PLCE1: variants seen among roughly 807,000 people sequenced by gnomAD.
The protein encoded by PLCE1 is phospholipase C epsilon 1, also known as 1-phosphatidylinositol 4,5-bisphosphate phosphodiesterase epsilon-1.
In PLCE1, 119 loss-of-function variants were observed where a neutral mutation model predicts 242.8. That is an observed-to-expected ratio of 0.49 (90% CI 0.42 to 0.57). The LOEUF (loss-of-function observed/expected upper bound fraction) is 0.57, where lower values mean the gene tolerates loss of function less well. Ranked by LOEUF, PLCE1 falls within the 20% of genes least tolerant of loss-of-function variation. PLCE1 has a pLI of 0.00. For missense variants in PLCE1, 2,441 were observed against 2,788.8 expected, an observed-to-expected ratio of 0.88 and a Z score of 2.81; for synonymous variants, 945 against 1,017.4, an observed-to-expected ratio of 0.93 and a Z score of 1.35.
chr10:94,068,361 A>G (rs2044254808), intron 2 of PLCE1, among the ~76,000 whole-genome samples: 1 of 151,990 alleles, frequency 6.6e-6, no homozygotes, highest in Non-Finnish European at 1.5e-5. Context: ...GATTCAAGCA[A>G]TCACAAATAG....
At chr10:94,273,871 T>C (rs2051841386) in intron 19 of PLCE1, 151 bp downstream of exon 19, 1 of 747,966 alleles carries the variant, frequency 1.3e-6, no homozygotes, top group African/African-American at 1.8e-5. Context: ...GGGCTTTTCA[T>C]TCCATAGACC....
At chr10:94,089,239 A>C in intron 2 of PLCE1, 1 of 1,614,002 alleles carries the variant, frequency 6.2e-7, no homozygotes, top group East Asian at 2.2e-5. Flanking sequence ...GCCCCAGGAG[A>C]GGGAAGCAGG....
intron 2 of PLCE1, among the ~76,000 whole-genome samples, chr10:94,129,061 A>G (rs930153303): frequency 2.0e-5 from 3 of 152,070 alleles, no homozygotes; most frequent in Admixed American, 2.0e-4. Context: ...TTGATTTGTG[A>G]CCTCCCTACA....
intron 3 of PLCE1, among the ~76,000 whole-genome samples, chr10:94,170,002 T>C (rs1023483560): frequency 4.6e-5 from 7 of 152,130 alleles, no homozygotes; most frequent in Admixed American, 2.6e-4. Context: ...AAGAAAGAAG[T>C]CAAATTCAGG....
intron 3 of PLCE1, among the ~76,000 whole-genome samples, chr10:94,170,502 C>T (rs1057183782): frequency 1.3e-5 from 2 of 152,232 alleles, no homozygotes; most frequent in African/African-American, 4.8e-5. Context: ...ATCCCTCTGT[C>T]ACCTTCTTGC....
chr10:94,163,748 G>T (rs1439055243), intron 3 of PLCE1, among the ~76,000 whole-genome samples: 2 of 152,166 alleles, frequency 1.3e-5, no homozygotes, highest in Non-Finnish European at 2.9e-5. Context: ...TTTCTTCCTA[G>T]CCGTGATGGT....
chr10:94,326,054 T>C (rs1320754885), intron 32 of PLCE1, among the ~76,000 whole-genome samples: 1 of 152,182 alleles, frequency 6.6e-6, no homozygotes, highest in African/African-American at 2.4e-5. Flanking sequence ...AATAAAAGCA[T>C]GTGAGGGAAC....
At chr10:94,167,331 C>A (rs1455177458) in intron 3 of PLCE1, among the ~76,000 whole-genome samples, 3 of 151,964 alleles carry the variant, frequency 2.0e-5, no homozygotes, top group African/African-American at 7.2e-5. Context: ...ATCCAGGAAC[C>A]CTCTTTGATT....
chr10:94,118,232 T>C lies in PLCE1; in HGVS notation c.1207-13942T>C, dbSNP rs183349881. On this transcript the variant is annotated intron_variant, in intron 2 of 32. Transcript: ENST00000371380. ...TTTTCTCTTTTCTTTTTTAATGATT[T>C]CCATGGAGTTCTTTGACATGCAGCT... Among the ~76,000 whole-genome samples, 209 of 152,278 alleles carry C rather than the reference T, an allele frequency of 1.4e-3. 3 individuals are homozygous for C. In the East Asian group the frequency reaches 0.037, roughly 27 times the overall value.
At chr10:94,247,114 GAA>G (rs398014491) in intron 8 of PLCE1, among the ~76,000 whole-genome samples, 4 of 100,382 alleles carry the variant, frequency 4.0e-5, no homozygotes, top group Non-Finnish European at 4.1e-5. Context: ...TCTGTCTCAG[GAA>G]AAAAAAAAAA....
intron 4 of PLCE1, chr10:94,227,021 C>T (rs1025836129): frequency 1.9e-5 from 7 of 360,842 alleles, no homozygotes; most frequent in South Asian, 4.4e-5. Context: ...GAATTATAGG[C>T]GCCTGCCACC....
intron 8 of PLCE1, among the ~76,000 whole-genome samples, chr10:94,249,486 G>A (rs1194180814): frequency 6.6e-6 from 1 of 151,978 alleles, no homozygotes; most frequent in Non-Finnish European, 1.5e-5. Flanking sequence ...CAATGTTTGG[G>A]TTTTTCCAAA....
chr10:94,006,633 T>C (rs2061043342), intron 1 of PLCE1, among the ~76,000 whole-genome samples: 1 of 152,246 alleles, frequency 6.6e-6, no homozygotes, highest in African/African-American at 2.4e-5. Flanking sequence ...TTACTTTCTT[T>C]ACTTTAGTAC....
At chr10:94,206,584 T>A (rs1476238731) in intron 4 of PLCE1, among the ~76,000 whole-genome samples, 5 of 152,226 alleles carry the variant, frequency 3.3e-5, no homozygotes, top group African/African-American at 1.2e-4. Context: ...TGTGGGTGGT[T>A]TGGGCCATAC....
intron 4 of PLCE1, among the ~76,000 whole-genome samples, chr10:94,204,541 G>A (rs780553727): frequency 6.6e-5 from 10 of 151,982 alleles, no homozygotes; most frequent in Admixed American, 2.0e-4. Flanking sequence ...GGTGGCAGGC[G>A]CCTGTAATCC....
At chr10:94,137,519 C>T (rs1028383056) in intron 3 of PLCE1, among the ~76,000 whole-genome samples, 1 of 152,092 alleles carries the variant, frequency 6.6e-6, no homozygotes, top group African/African-American at 2.4e-5. Context: ...TAAGTGTTTT[C>T]AAATGTGCAT....
At chr10:94,033,479 A>G (rs1228470771) in intron 2 of PLCE1, among the ~76,000 whole-genome samples, 1 of 152,096 alleles carries the variant, frequency 6.6e-6, no homozygotes, top group Non-Finnish European at 1.5e-5. Flanking sequence ...ATTGGTGACA[A>G]GATCACAGTT....
intron 4 of PLCE1, among the ~76,000 whole-genome samples, chr10:94,220,218 A>C (rs2049678152): frequency 6.6e-6 from 1 of 150,914 alleles, no homozygotes; most frequent in South Asian, 2.1e-4. Flanking sequence ...ACACACACAC[A>C]CATACACACA....
At chr10:94,159,895 T>A (rs2047554198) in intron 3 of PLCE1, among the ~76,000 whole-genome samples, 1 of 152,176 alleles carries the variant, frequency 6.6e-6, no homozygotes, top group South Asian at 2.1e-4. Flanking sequence ...TGGGATAGTT[T>A]GCTGAGAATG....
Sources: allele counts gnomAD v4.1 joint callset (sites outside exome capture counted in the v4.1 genomes callset), GRCh38; gene constraint gnomAD v4.1.1; transcripts MANE v1.5; gene names NCBI Gene and HGNC (gene_info 2026-07-23, HGNC 2026-07-21).